Variants in NOVA1 observed in about 807,000 individuals in gnomAD.
NOVA1 encodes the protein RNA-binding protein Nova-1.
In NOVA1, 7 loss-of-function variants were observed where a neutral mutation model predicts 38.0. That is an observed-to-expected ratio of 0.18 (90% CI 0.10 to 0.35). NOVA1 has a LOEUF of 0.35. Among genes scored for constraint, NOVA1 ranks in the 10% least tolerant of loss-of-function variants. NOVA1 has a pLI of 1.00. For synonymous variants in NOVA1, 270 were observed against 232.5 expected, an observed-to-expected ratio of 1.16 and a Z score of -1.47; for missense variants, 460 against 616.0, an observed-to-expected ratio of 0.75 and a Z score of 2.68.
chr14:26,451,622 C>G (rs953377387), intron 4 of NOVA1, among the ~76,000 whole-genome samples: 6 of 152,114 alleles, frequency 3.9e-5, no homozygotes, highest in African/African-American at 1.4e-4. Context: ...ATCCGCCTGC[C>G]TCGGCCACCC....
intron 3 of NOVA1, among the ~76,000 whole-genome samples, chr14:26,474,537 G>A (rs907773602): frequency 1.3e-5 from 2 of 151,820 alleles, no homozygotes; most frequent in Admixed American, 1.3e-4. Flanking sequence ...TATTGGACAT[G>A]TATTAATAAT....
intron 2 of NOVA1, among the ~76,000 whole-genome samples, chr14:26,527,216 GGCTA>G (rs1487605931): frequency 9.3e-6 from 1 of 107,310 alleles, no homozygotes; most frequent in East Asian, 3.6e-4. Flanking sequence ...GGAGTCAATG[GGCTA>G]GCTGTGTGGT....
intron 2 of NOVA1, among the ~76,000 whole-genome samples, chr14:26,482,059 T>C (rs150972075): frequency 0.011 from 1,531 of 138,086 alleles, 19 homozygotes; most frequent in Middle Eastern, 0.039. Context: ...ATGCTGTCAA[T>C]AAAATTCTGA....
intron 2 of NOVA1, among the ~76,000 whole-genome samples, chr14:26,552,218 C>A (rs1891204535): frequency 6.6e-6 from 1 of 151,936 alleles, no homozygotes; most frequent in Admixed American, 6.6e-5. Flanking sequence ...CATAGTTTAG[C>A]ATTCAGAATA....
chr14:26,519,441 G>T (rs1888712762), intron 2 of NOVA1: 1 of 152,066 alleles, frequency 6.6e-6, no homozygotes, highest in African/African-American at 2.4e-5. Context: ...GGTAGAGTAG[G>T]GCCAGATTAT....
chr14:26,537,576 T>C (rs145690053), intron 2 of NOVA1, among the ~76,000 whole-genome samples: 2,003 of 152,260 alleles, frequency 0.013, 22 homozygotes, highest in Middle Eastern at 0.027. Flanking sequence ...TATAAGATTA[T>C]AACAAATGGT....
chr14:26,517,826 A>C (rs898582299), intron 2 of NOVA1, among the ~76,000 whole-genome samples: 1 of 152,174 alleles, frequency 6.6e-6, no homozygotes, highest in Non-Finnish European at 1.5e-5. Flanking sequence ...CATCCTTTGA[A>C]CCACAAGAGG....
chr14:26,447,670 C>G lies in NOVA1; in HGVS notation c.*289G>C. The stretch of plus-strand genomic sequence containing the variant: ...TCCCTGTCTACATTCAATCATTAAA[C>G]TACAATAATGCTGGTAAAATGGCAG... On this transcript the variant is annotated 3_prime_UTR_variant, in exon 5 of 5. Coordinates refer to ENST00000539517, the MANE Select transcript of NOVA1 (RefSeq NM_002515.3). 1 of 417,774 alleles carries G rather than the reference C, an allele frequency of 2.4e-6. No individual in the cohort carries two copies. Among genetic ancestry groups the G allele is most frequent in the Non-Finnish European group, 4.3e-6 (1 of 231,102 alleles). The allele number at this position is 417,774 out of a possible 1,614,324, so 25.9% of individuals were successfully genotyped here. A position where few individuals can be genotyped will look rare whatever the true frequency, so the allele number is the denominator to read the frequency against.
At chr14:26,530,006 G>C (rs1385279757) in intron 2 of NOVA1, among the ~76,000 whole-genome samples, 3 of 151,938 alleles carry the variant, frequency 2.0e-5, no homozygotes. Flanking sequence ...TGCAAGCTCC[G>C]CCTCCCGGGT....
At chr14:26,481,975 A>C (rs1288531053) in intron 2 of NOVA1, among the ~76,000 whole-genome samples, 1 of 121,550 alleles carries the variant, frequency 8.2e-6, no homozygotes, top group Non-Finnish European at 1.8e-5. Context: ...AAACAGTCTA[A>C]CTTAGATAGA....
chr14:26,523,812 A>G (rs991178794), intron 2 of NOVA1, among the ~76,000 whole-genome samples: 2 of 134,874 alleles, frequency 1.5e-5, no homozygotes, highest in South Asian at 2.2e-4. Flanking sequence ...GTGCAGTGGC[A>G]CAATCTCAGC....
chr14:26,512,751 A>G (rs1251232280), intron 2 of NOVA1, among the ~76,000 whole-genome samples: 2 of 152,104 alleles, frequency 1.3e-5, no homozygotes, highest in African/African-American at 4.8e-5. Context: ...ATGTGGCATA[A>G]TTTGAAAAGT....
chr14:26,453,164 T>TTATG (rs146403566), intron 4 of NOVA1, among the ~76,000 whole-genome samples: 1,980 of 125,166 alleles, frequency 0.016, 44 homozygotes, highest in African/African-American at 0.061. Flanking sequence ...ACTGCTTCAA[T>TTATG]TATGTATGTA....
chr14:26,485,066 T>C (rs1455969958), intron 2 of NOVA1, among the ~76,000 whole-genome samples: 3 of 152,026 alleles, frequency 2.0e-5, no homozygotes, highest in African/African-American at 2.4e-5. Flanking sequence ...ATAACTGTTA[T>C]GAAAAACACT....
intron 2 of NOVA1, among the ~76,000 whole-genome samples, chr14:26,540,495 A>G (rs1566519150): frequency 6.6e-6 from 1 of 152,186 alleles, no homozygotes; most frequent in Non-Finnish European, 1.5e-5. Flanking sequence ...ATGGCATGTA[A>G]CCATATTTTT....
chr14:26,546,759 C>T (rs532161536), intron 2 of NOVA1, among the ~76,000 whole-genome samples: 2 of 152,224 alleles, frequency 1.3e-5, no homozygotes, highest in South Asian at 2.1e-4. Flanking sequence ...GTGGCTCACA[C>T]CTGTAATCCC....
chr14:26,553,184 A>C (rs542481724), intron 2 of NOVA1, among the ~76,000 whole-genome samples: 1 of 152,320 alleles, frequency 6.6e-6, no homozygotes, highest in South Asian at 2.1e-4. Context: ...GCACTTTTCC[A>C]ATCGCCCAGG....
At chr14:26,578,250 A>G (rs1316647991) in intron 2 of NOVA1, among the ~76,000 whole-genome samples, 1 of 152,168 alleles carries the variant, frequency 6.6e-6, no homozygotes, top group African/African-American at 2.4e-5. Flanking sequence ...AAGAGAAATG[A>G]AAAGAGAGGA....
chr14:26,478,610 G>A (rs934175047), intron 3 of NOVA1, among the ~76,000 whole-genome samples: 2 of 151,744 alleles, frequency 1.3e-5, no homozygotes, highest in African/African-American at 2.4e-5. Flanking sequence ...CAAGAATTCA[G>A]TCTTCAAACT....
Sources: allele counts gnomAD v4.1 joint callset (sites outside exome capture counted in the v4.1 genomes callset), GRCh38; gene constraint gnomAD v4.1.1; transcripts MANE v1.5; gene names NCBI Gene and HGNC (gene_info 2026-07-23, HGNC 2026-07-21).